MAP2K7: variants seen among roughly 807,000 people sequenced by gnomAD.
The protein encoded by MAP2K7 is mitogen-activated protein kinase kinase 7.
In MAP2K7, 12 loss-of-function variants were observed where a neutral mutation model predicts 47.7. That is an observed-to-expected ratio of 0.25 (90% CI 0.16 to 0.41). The LOEUF (loss-of-function observed/expected upper bound fraction) is 0.41. Among genes scored for constraint, MAP2K7 ranks in the 10% least tolerant of loss-of-function variants. MAP2K7 has a pLI of 1.00. For missense variants in MAP2K7, 415 were observed against 600.3 expected, an observed-to-expected ratio of 0.69 and a Z score of 3.23; for synonymous variants, 299 against 243.0, an observed-to-expected ratio of 1.23 and a Z score of -2.14.
chr19:7,904,684 C>T (rs1459412985), intron 1 of MAP2K7: 1 of 163,282 alleles, frequency 6.1e-6, no homozygotes, highest in African/African-American at 2.4e-5. Flanking sequence ...GTGACCATGG[C>T]ATTGGGCTCA....
rs369271831 is a variant in MAP2K7 at position 7,910,650 on chromosome 19, G to A, written c.568-46G>A. On this transcript the variant is annotated intron_variant, in intron 5 of 10. Transcript: ENST00000397979. ...TTCCTAGGGAGCAGAGCCTCTGGGG[G>A]GTGGGCCGGAAGACACAGCTCCCCC... 52 of 1,607,982 alleles carry A rather than the reference G, an allele frequency of 3.2e-5. 2 individuals carry two copies. The South Asian group carries it at 3.9e-4, about 12-fold the overall frequency.
At chr19:7,908,737 T>C (rs896080465) in intron 1 of MAP2K7, among the ~76,000 whole-genome samples, 3 of 152,102 alleles carry the variant, frequency 2.0e-5, no homozygotes, top group African/African-American at 7.2e-5. Context: ...CACGTTAGCA[T>C]CCCGGCCTCT....
intron 1 of MAP2K7, among the ~76,000 whole-genome samples, chr19:7,907,628 GA>G (rs1323057487): frequency 6.6e-6 from 1 of 152,052 alleles, no homozygotes; most frequent in Non-Finnish European, 1.5e-5. Context: ...GTGCCTACCT[GA>G]ACCCTCCCTT....
In MAP2K7 at chr19:7,909,855, G is replaced by A; in HGVS notation, c.225G>A (p.Leu75=). 6.5e-7 allele frequency: 1 copy of A among 1,539,182 alleles called. No individual in the cohort carries two copies. The highest frequency in any genetic ancestry group is 2.5e-5 in the East Asian group (1 of 40,742). ...CCCCCGCCCGGCCCCGCCACATGCT[G>A]GGGCTCCCGTCAACCCTGTTCACAC... is the stretch of plus-strand genomic sequence containing the variant. ...PTPPARPRHM[L]GLPSTLFTPR... The change falls in exon 2 of 11, where the codon CTG becomes CTA. Residue 75 remains leucine, a synonymous_variant. Coordinates refer to ENST00000397979, the MANE Select transcript of MAP2K7 (RefSeq NM_145185.4).
chr19:7,904,494 C>T (rs1308620582), intron 1 of MAP2K7: 2 of 339,182 alleles, frequency 5.9e-6, no homozygotes, highest in Non-Finnish European at 5.9e-6. Context: ...GGCTTGTCAG[C>T]CCCGTGCAGC....
intron 1 of MAP2K7, chr19:7,906,331 G>A (rs1982454975): frequency 6.3e-6 from 1 of 158,244 alleles, no homozygotes; most frequent in East Asian, 1.8e-4. Flanking sequence ...CTCCTCTGTA[G>A]CGGGGGGCTG....
At chr19:7,910,602 T>G (rs1476883186) in intron 5 of MAP2K7, 30 bp downstream of exon 5, 1 of 1,612,622 alleles carries the variant, frequency 6.2e-7, no homozygotes, top group African/African-American at 1.3e-5. Flanking sequence ...CTGCAGCGTC[T>G]CCTCCTCCCT....
At position 7,911,153 on chromosome 19, in the gene MAP2K7, C is replaced by T; in HGVS notation, c.849C>T (p.Tyr283=). Residue 283 remains tyrosine, a synonymous_variant, in exon 7 of 11, where the codon TAC becomes TAT. Coordinates refer to ENST00000397979, the MANE Select transcript of MAP2K7 (RefSeq NM_145185.4). The part of the protein sequence containing the change: ...AKTRSAGCAA[Y]MAPERIDPPD... ...CGCGGAGCGCCGGCTGTGCCGCCTACATGGCAGTGAGTGGGGGCCCCCCAG... is the reference window on the plus strand; with the variant it reads ...CGCGGAGCGCCGGCTGTGCCGCCTATATGGCAGTGAGTGGGGGCCCCCCAG... 2.5e-6 allele frequency: 4 copies of T among 1,610,348 alleles called. No homozygotes were observed. Among genetic ancestry groups the T allele is most frequent in the Non-Finnish European group, 3.4e-6 (4 of 1,178,692 alleles).
intron 4 of MAP2K7, 29 bp downstream of exon 4, chr19:7,910,402 C>T: frequency 6.2e-7 from 1 of 1,604,986 alleles, no homozygotes. Flanking sequence ...CCCGGCTGCG[C>T]CCCACACCCC....
chr19:7,907,076 G>A (rs1982508734), intron 1 of MAP2K7: 1 of 152,114 alleles, frequency 6.6e-6, no homozygotes, highest in Admixed American at 6.6e-5. Context: ...AGATTAGGTG[G>A]AGGTTGCAGT....
At chr19:7,910,188 G>A (rs777902773) in intron 3 of MAP2K7, 59 bp downstream of exon 3, 1 of 1,597,408 alleles carries the variant, frequency 6.3e-7, no homozygotes, top group Admixed American at 1.7e-5. Flanking sequence ...GACCCATCCT[G>A]GGAGCGCCAG....
At chr19:7,906,364 A>G in intron 1 of MAP2K7, 1 of 156,748 alleles carries the variant, frequency 6.4e-6, no homozygotes, top group Non-Finnish European at 1.4e-5. Context: ...CCACTGGACA[A>G]GGAGCACATT....
intron 1 of MAP2K7, among the ~76,000 whole-genome samples, chr19:7,908,983 G>A (rs773476790): frequency 1.3e-5 from 2 of 148,224 alleles, no homozygotes; most frequent in South Asian, 2.3e-4. Flanking sequence ...TAGCATGCCC[G>A]AGCTGCCCGC....
Position 7,911,244 on chromosome 19 carries a change from C to T in MAP2K7, c.856-6C>T, listed in dbSNP as rs888575398. On this transcript the variant is annotated splice_polypyrimidine_tract_variant and splice_region_variant and intron_variant, in intron 7 of 10. Transcript: ENST00000397979. ...GGAGATACGTCTTCTCCTCCCCCCC[C>T]TGCAGCCCGAGCGCATTGACCCCCC... The T allele has an allele frequency of 6.8e-6, 11 of 1,611,508 alleles. No homozygotes were observed. The highest frequency in any genetic ancestry group is 1.3e-5 in the African/African-American group (1 of 74,970).
At position 7,910,595 on chromosome 19, in the gene MAP2K7, C is replaced by T. The variant is rs750783620; in HGVS notation, c.567+23C>T. The T allele has an allele frequency of 5.6e-6, 9 of 1,613,078 alleles. No individual in the cohort carries two copies. In the Admixed American group the frequency reaches 8.3e-5, roughly 15 times the overall value. ...AACGTGAGTACCTGGCCGCGCCCTG[C>T]AGCGTCTCCTCCTCCCTCACCCCTG... On this transcript the variant is annotated intron_variant, in intron 5 of 10. Transcript: ENST00000397979.
At position 7,911,596 on chromosome 19, in the gene MAP2K7, C is replaced by T. The variant is rs1344871398; in HGVS notation, c.1079+18C>T. The stretch of plus-strand genomic sequence containing the variant: ...AAAGACTGGTGAGAACCTCCCTCCA[C>T]TTGGGAGGTCAGGGACAGCCCGCTG... On this transcript the variant is annotated intron_variant, in intron 9 of 10. Coordinates refer to ENST00000397979, the MANE Select transcript of MAP2K7 (RefSeq NM_145185.4). 2 of 1,568,154 alleles carry T rather than the reference C, an allele frequency of 1.3e-6. No individual in the cohort carries two copies. Among genetic ancestry groups the T allele is most frequent in the African/African-American group, 2.7e-5 (2 of 74,058 alleles).
In MAP2K7 at chr19:7,914,271, C is replaced by G. The variant is rs2145151201; in HGVS notation, c.*1840C>G. On this transcript the variant is annotated 3_prime_UTR_variant, in exon 11 of 11. Coordinates refer to ENST00000397979, the MANE Select transcript of MAP2K7 (RefSeq NM_145185.4). ...GTCTCTCCTGCCTCCCAGCCTCTCC[C>G]AAGACCTCCCCCCTCGTCACCAGCC... The G allele has an allele frequency of 6.6e-6, 1 of 152,612 alleles. No homozygotes were observed. The highest frequency in any genetic ancestry group is 6.5e-5 in the Admixed American group (1 of 15,298). 9.5% of individuals were successfully genotyped at this position (152,612 alleles called of 1,614,324 possible).
At chr19:7,906,267 A>C (rs902976112) in intron 1 of MAP2K7, 3 of 207,564 alleles carry the variant, frequency 1.4e-5, no homozygotes, top group South Asian at 1.6e-4. Flanking sequence ...CCCGGGTTCC[A>C]TACCAGCCCT....
Position 7,911,328 on chromosome 19 carries a change from T to G in MAP2K7, c.934T>G (p.Leu312Val). 1 of 1,613,326 alleles carries G rather than the reference T, an allele frequency of 6.2e-7. No individual in the cohort carries two copies. The highest frequency in any genetic ancestry group is 8.5e-7 in the Non-Finnish European group (1 of 1,179,960). Reference protein sequence around the residue: ...RADVWSLGISLVELATGQFPY... With the variant: ...RADVWSLGISVVELATGQFPY... ...CGACGTATGGAGCCTGGGCATCTCG[T>G]TGGTGAGTTGGGGCCCTCCCCTGTT... is the stretch of plus-strand genomic sequence containing the variant. Residue 312 changes from leucine to valine, a missense_variant and splice_region_variant, in exon 8 of 11, where the codon TTG becomes GTG. This residue lies in a region of MAP2K7 where 206 missense variants were observed against 368.8 expected (regional missense o/e 0.56). Coordinates refer to ENST00000397979, the MANE Select transcript of MAP2K7 (RefSeq NM_145185.4).
Sources: gnomAD v4.1 joint callset for allele counts (sites outside exome capture counted in the v4.1 genomes callset) on GRCh38, gnomAD v4.1.1 for gene constraint, gnomAD v4.1.1 regional missense constraint, MANE v1.5 for transcripts, NCBI Gene and HGNC (gene_info 2026-07-23, HGNC 2026-07-21) for gene names.